Variants in CREM observed in about 807,000 individuals in gnomAD.
The protein encoded by CREM is cAMP-responsive element modulator.
Under a neutral mutation model 37.3 loss-of-function variants are expected in CREM, and 13 were observed. The observed-to-expected ratio is 0.35, with a 90% confidence interval of 0.23 to 0.55. The LOEUF (loss-of-function observed/expected upper bound fraction) is 0.55, where lower values mean the gene tolerates loss of function less well. CREM is among the 20% of genes least tolerant of loss of function. The probability of loss-of-function intolerance (pLI) is 0.88; values close to 1 mark genes in which losing one functional copy is unlikely to be tolerated. For synonymous variants in CREM, 124 were observed against 120.2 expected (o/e 1.03, Z -0.21); for missense variants, 296 against 362.3 (o/e 0.82, Z 1.49).
chr10:35,177,430 T>C (rs1476555630), intron 3 of CREM, among the ~76,000 whole-genome samples: 1 of 152,230 alleles, frequency 6.6e-6, no homozygotes, highest in Non-Finnish European at 1.5e-5. Context: ...AGTTTTAACC[T>C]GGCTGGTATT....
intron 6 of CREM, among the ~76,000 whole-genome samples, chr10:35,200,992 G>C (rs540622787): frequency 6.8e-6 from 1 of 147,722 alleles, no homozygotes; most frequent in African/African-American, 2.4e-5. Flanking sequence ...ACTCTCACTT[G>C]TGGGTTTTTT....
intron 6 of CREM, among the ~76,000 whole-genome samples, chr10:35,193,189 C>A (rs2094994107): frequency 6.6e-6 from 1 of 152,138 alleles, no homozygotes; most frequent in Admixed American, 6.5e-5. Flanking sequence ...CTAGCACAGA[C>A]CCTGGCATGT....
chr10:35,127,920 A>G (rs2088267501), intron 1 of CREM, among the ~76,000 whole-genome samples: 2 of 152,110 alleles, frequency 1.3e-5, no homozygotes, highest in South Asian at 4.1e-4. Context: ...ATCTCGGCTC[A>G]CTGCAGCCTC....
At chr10:35,195,129 G>A in intron 6 of CREM, 2 of 1,586,746 alleles carry the variant, frequency 1.3e-6, no homozygotes, top group South Asian at 1.1e-5. Flanking sequence ...TGCTAATTTG[G>A]AACACTTTAT....
chr10:35,133,740 A>C (rs1243761039), intron 1 of CREM, among the ~76,000 whole-genome samples: 1 of 152,266 alleles, frequency 6.6e-6, no homozygotes, highest in Non-Finnish European at 1.5e-5. Flanking sequence ...CAGTTTAACA[A>C]AATTACAAAA....
Position 35,159,960 on chromosome 10 carries a change from C to T in CREM, c.168+11469C>T, listed in dbSNP as rs182899727. Among the ~76,000 whole-genome samples the T allele has an allele frequency of 7.2e-5, 11 of 152,208 alleles. No homozygotes were observed. In the East Asian group the frequency reaches 1.5e-3, roughly 21 times the overall value. On this transcript the variant is annotated intron_variant, in intron 3 of 7. Transcript: ENST00000685392. ...ATAAAAATGGCCAAGTACAGTCATT[C>T]ATCACTTAACAACAGGTCTACATTT...
intron 3 of CREM, among the ~76,000 whole-genome samples, chr10:35,160,812 C>CT (rs1317448736): frequency 3.3e-5 from 5 of 152,172 alleles, no homozygotes; most frequent in African/African-American, 1.2e-4. Flanking sequence ...TATTTTTAAA[C>CT]TTTTTTGTTA....
chr10:35,199,500 A>G, intron 6 of CREM, among the ~76,000 whole-genome samples: 1 of 152,242 alleles, frequency 6.6e-6, no homozygotes, highest in Non-Finnish European at 1.5e-5. Flanking sequence ...ATGAATACCA[A>G]CTATAGAAAG....
chr10:35,171,055 T>G (rs948952477), intron 3 of CREM: 1 of 152,112 alleles, frequency 6.6e-6, no homozygotes, highest in Non-Finnish European at 1.5e-5. Context: ...TATGGAAGTT[T>G]CCTTGTAGTT....
At chr10:35,177,717 G>A (rs974429596) in intron 3 of CREM, among the ~76,000 whole-genome samples, 2 of 152,184 alleles carry the variant, frequency 1.3e-5, no homozygotes, top group Non-Finnish European at 2.9e-5. Context: ...TTACGTGTTG[G>A]ATCATGGTCA....
chr10:35,175,929 T>C, intron 3 of CREM: 2 of 1,551,898 alleles, frequency 1.3e-6, no homozygotes, highest in Non-Finnish European at 1.7e-6. Context: ...GGCCAAACTA[T>C]ACATGTCCAG....
At chr10:35,136,799 T>G (rs923458906) in intron 1 of CREM, among the ~76,000 whole-genome samples, 23 of 151,578 alleles carry the variant, frequency 1.5e-4, no homozygotes, top group African/African-American at 4.4e-4. Context: ...AGTTTTTTTT[T>G]TTTTTTTTTT....
At chr10:35,197,947 C>T (rs1165268957) in intron 6 of CREM, among the ~76,000 whole-genome samples, 2 of 152,086 alleles carry the variant, frequency 1.3e-5, no homozygotes, top group African/African-American at 2.4e-5. Context: ...TTAATTATCA[C>T]GGCAAAGTGG....
chr10:35,170,257 G>A (rs2093747395), intron 3 of CREM, among the ~76,000 whole-genome samples: 1 of 152,128 alleles, frequency 6.6e-6, no homozygotes, highest in African/African-American at 2.4e-5. Flanking sequence ...GAGCCACTGT[G>A]TCTGGCCGGA....
rs185865681 is a variant in CREM at position 35,199,973 on chromosome 10, T to C, written c.599-6922T>C. 2.1e-3 allele frequency among the ~76,000 whole-genome samples: 293 copies of C among 141,788 alleles called. 2 individuals are homozygous for C. Among genetic ancestry groups the C allele is most frequent in the African/African-American group, 7.4e-3 (288 of 38,730 alleles). The allele number at this position is 141,788 out of a possible 152,430, so 93.0% of individuals were successfully genotyped here. On this transcript the variant is annotated intron_variant, in intron 6 of 7. Transcript: ENST00000685392. Reference sequence around the variant, plus strand: ...GGCGTGATCTTGGCTCACTGCAACCTCTGCCTCCCAGGTTCAAGCGATTCA... The same window carrying C: ...GGCGTGATCTTGGCTCACTGCAACCCCTGCCTCCCAGGTTCAAGCGATTCA...
chr10:35,137,854 A>C lies in CREM; in HGVS notation c.19A>C (p.Lys7Gln), dbSNP rs2090812862. The C allele has an allele frequency of 2.5e-6, 4 of 1,587,810 alleles. No individual in the cohort carries two copies. MSKCAR[K>Q]KYIKTNPRQM... ...CTTAACAATGAGCAAATGTGCAAGG[A>C]AAAAATATATTAAGACAAATCCAAG... The change falls in exon 2 of 8, where the codon AAA (lysine) becomes CAA (glutamine). Residue 7 changes from lysine to glutamine, a missense_variant. Physicochemically the swap from Lys to Gln is moderately conservative, Grantham distance 53. This residue lies in a region of CREM where 257 missense variants were observed against 280.2 expected (regional missense o/e 0.92). Coordinates refer to ENST00000685392, the MANE Select transcript of CREM (RefSeq NM_183011.2).
intron 1 of CREM, among the ~76,000 whole-genome samples, chr10:35,128,157 T>C (rs2088368814): frequency 6.6e-6 from 1 of 152,188 alleles, no homozygotes; most frequent in South Asian, 2.1e-4. Context: ...TTCTTGATCC[T>C]GTTGCGTTTT....
rs776678721 is a variant in CREM at position 35,211,265 on chromosome 10, G to A, written c.767G>A (p.Arg256Gln). 3.1e-6 allele frequency: 5 copies of A among 1,613,342 alleles called. No individual in the cohort carries two copies. Among genetic ancestry groups the A allele is most frequent in the East Asian group, 2.2e-5 (1 of 44,826 alleles). ...TGTGTTGCTTCCAGGGAAGCTGCCC[G>A]GGAGTGTCGCAGGAAGAAGAAAGAA... Reference protein sequence around the residue: ...LRLMKNREAARECRRKKKEYV... With the variant: ...LRLMKNREAAQECRRKKKEYV... The change falls in exon 8 of 8, where the codon CGG (arginine) becomes CAG (glutamine). Residue 256 changes from arginine (R) to glutamine (Q), a missense_variant. Arg to Gln is a conservative substitution (Grantham distance 43). Around this residue, in one of 2 missense-constraint regions of CREM, gnomAD observed 39 missense variants for 82.0 expected, o/e 0.48. Transcript: ENST00000685392.
intron 7 of CREM, among the ~76,000 whole-genome samples, chr10:35,207,255 G>T (rs1398264340): frequency 6.6e-6 from 1 of 151,936 alleles, no homozygotes; most frequent in Non-Finnish European, 1.5e-5. Context: ...TTCGCCGGGC[G>T]TGGTGGCAGG....
Sources: gnomAD v4.1 joint callset for allele counts (sites outside exome capture counted in the v4.1 genomes callset) on GRCh38, gnomAD v4.1.1 for gene constraint, gnomAD v4.1.1 regional missense constraint, MANE v1.5 for transcripts, NCBI Gene and HGNC (gene_info 2026-07-23, HGNC 2026-07-21) for gene names.